The following TIPIN variants were observed in gnomAD, a reference collection of about 807,000 sequenced individuals.
TIPIN encodes TIMELESS interacting protein.
A neutral mutation model predicts 35.6 loss-of-function variants in TIPIN; 29 were observed. The observed-to-expected ratio is 0.82, with a 90% CI of 0.61 to 1.11. TIPIN has a LOEUF of 1.11. Among genes scored for constraint, TIPIN ranks in the 50% most tolerant of loss-of-function variants. TIPIN has a pLI of 0.00. For missense variants in TIPIN, 296 were observed against 345.4 expected (o/e 0.86, Z 1.13); for synonymous variants, 102 against 121.5 (o/e 0.84, Z 1.06).
chr15:66,376,095 A>G (rs1418457386), intron 1 of TIPIN, among the ~76,000 whole-genome samples: 1 of 152,112 alleles, frequency 6.6e-6, no homozygotes, highest in Non-Finnish European at 1.5e-5. Context: ...TTGTCCCAAA[A>G]CAAAACCAAA....
chr15:66,362,262 C>G (rs995031376), intron 1 of TIPIN, among the ~76,000 whole-genome samples: 1 of 151,298 alleles, frequency 6.6e-6, no homozygotes, highest in Admixed American at 6.6e-5. Context: ...GAGATTGCGT[C>G]ACTGCATTCG....
At chr15:66,353,360 G>GTAAT (rs1286805463) in intron 1 of TIPIN, among the ~76,000 whole-genome samples, 1 of 152,096 alleles carries the variant, frequency 6.6e-6, no homozygotes, top group Non-Finnish European at 1.5e-5. Context: ...GCTCACGCCT[G>GTAAT]TAATCCCAGC....
chr15:66,367,069 A>G (rs1000071958), intron 1 of TIPIN: 6 of 176,564 alleles, frequency 3.4e-5, no homozygotes, highest in African/African-American at 1.4e-4. Flanking sequence ...AATTCCAGCT[A>G]CTTAGGAGGC....
In TIPIN at chr15:66,372,905, G is replaced by T. The variant is rs142384976; in HGVS notation, c.-9+13702C>A. 5.3e-5 allele frequency among the ~76,000 whole-genome samples: 8 copies of T among 150,350 alleles called. No homozygotes were observed. The East Asian group carries it at 1.4e-3, about 26-fold the overall frequency. ...GTGACAGAGCAAGACCCCGTCTTGG[G>T]GAAAAAAAAAAAAGATTGTAATACC... On this transcript the variant is annotated intron_variant, in intron 1 of 7. Coordinates refer to the TIPIN transcript ENST00000562124.
At chr15:66,386,325 A>C (rs1566990891) in intron 1 of TIPIN, 1 of 152,118 alleles carries the variant, frequency 6.6e-6, no homozygotes. Flanking sequence ...TAAAAAAAAA[A>C]AAATCATCAA....
At chr15:66,340,745 C>T (rs2093080661) in intron 7 of TIPIN, among the ~76,000 whole-genome samples, 1 of 151,838 alleles carries the variant, frequency 6.6e-6, no homozygotes, top group African/African-American at 2.4e-5. Context: ...TACTGGTGTG[C>T]ACCACCACAC....
upstream of TIPIN, chr15:66,356,695 T>C: frequency 1.0e-6 from 1 of 985,468 alleles, no homozygotes; most frequent in Non-Finnish European, 1.2e-6. Flanking sequence ...TAAGCGCGCT[T>C]CTCGCGATAC....
chr15:66,342,205 A>T (rs937083621), intron 6 of TIPIN, among the ~76,000 whole-genome samples: 6 of 150,542 alleles, frequency 4.0e-5, no homozygotes, highest in Non-Finnish European at 8.9e-5. Context: ...AAAAAAAAAA[A>T]AAAGAAAGAA....
chr15:66,352,957 T>C lies in TIPIN; in HGVS notation c.-8-2A>G, dbSNP rs778105081. 6 of 1,609,146 alleles carry C rather than the reference T, an allele frequency of 3.7e-6. No individual in the cohort carries two copies. The South Asian group carries it at 4.4e-5, about 12-fold the overall frequency. ...CCTGTGGTTCTAGCATCTTTTCCTC[T>C]AGGGGAAAAAATTAAAGTTATTTGT... On this transcript the variant is annotated splice_acceptor_variant, in intron 1 of 7. Coordinates refer to ENST00000261881, the MANE Select transcript of TIPIN (RefSeq NM_017858.3). LOFTEE classifies it low-confidence loss of function (5UTR_SPLICE).
chr15:66,379,991 TTTC>T (rs2093312248), intron 1 of TIPIN: 1 of 470,802 alleles, frequency 2.1e-6, no homozygotes, highest in Non-Finnish European at 3.6e-6. Context: ...ATTTCTTTTC[TTTC>T]TTTCTTTCTT....
rs376674546 is a variant in TIPIN at position 66,374,034 on chromosome 15, C to T, written c.-9+12573G>A. Among the ~76,000 whole-genome samples the T allele has an allele frequency of 1.1e-4, 17 of 152,244 alleles. No individual in the cohort carries two copies. In the East Asian group the frequency reaches 1.9e-3, roughly 17 times the overall value. The stretch of plus-strand genomic sequence containing the variant: ...TTTTCAATTTAGCCAGAATAGTGGA[C>T]GTAGTATCACACTGTGTGTTCTTAA... On this transcript the variant is annotated intron_variant, in intron 1 of 7. Coordinates refer to the TIPIN transcript ENST00000562124.
At chr15:66,346,170 A>G (rs1377395160) in intron 6 of TIPIN, among the ~76,000 whole-genome samples, 1 of 150,742 alleles carries the variant, frequency 6.6e-6, no homozygotes, top group Non-Finnish European at 1.5e-5. Flanking sequence ...CTGGTCTCGA[A>G]CTCCTGGCCT....
intron 1 of TIPIN, chr15:66,382,180 C>T (rs935480723): frequency 2.7e-5 from 5 of 187,842 alleles, no homozygotes; most frequent in South Asian, 3.7e-4. Flanking sequence ...ATTTAATGCT[C>T]ATAACTATTT....
chr15:66,379,890 G>C (rs1250084693), intron 1 of TIPIN: 2 of 1,562,550 alleles, frequency 1.3e-6, no homozygotes, highest in South Asian at 1.1e-5. Flanking sequence ...AATGTCGACA[G>C]TCTGATTAAT....
intron 1 of TIPIN, among the ~76,000 whole-genome samples, chr15:66,369,353 C>CTTT (rs59189335): frequency 0.1 from 12,168 of 118,532 alleles, 1,433 homozygotes; most frequent in East Asian, 0.32. Flanking sequence ...TTCACAATAT[C>CTTT]TTTTTTTTTT....
chr15:66,364,966 C>CAAAAAAAAAAAAAAAA (rs138230933), intron 1 of TIPIN, among the ~76,000 whole-genome samples: 4 of 76,108 alleles, frequency 5.3e-5, no homozygotes, highest in Admixed American at 1.7e-4. Context: ...AACTCCATCT[C>CAAAAAAAAAAAAAAAA]AAAAAAAAAG....
At position 66,378,243 on chromosome 15, in the gene TIPIN, C is replaced by T. The variant is rs997832277; in HGVS notation, c.-9+8364G>A. Among the ~76,000 whole-genome samples, 6 of 151,782 alleles carry T rather than the reference C, an allele frequency of 4.0e-5. No homozygotes were observed. The East Asian group carries it at 7.7e-4, about 20-fold the overall frequency. On this transcript the variant is annotated intron_variant, in intron 1 of 7. Transcript: ENST00000562124. ...GTCTTGAACTCCTGACCTCGTGATCCGCCCACCTAGGCTTCCCAAAGTGCT... is the reference window on the plus strand; with the variant it reads ...GTCTTGAACTCCTGACCTCGTGATCTGCCCACCTAGGCTTCCCAAAGTGCT...
chr15:66,370,730 C>G (rs371132712), intron 1 of TIPIN, among the ~76,000 whole-genome samples: 1 of 152,000 alleles, frequency 6.6e-6, no homozygotes, highest in African/African-American at 2.4e-5. Context: ...AAATAACTTC[C>G]GTGTGCAATG....
chr15:66,382,014 G>A (rs992009818), intron 1 of TIPIN, among the ~76,000 whole-genome samples: 3 of 151,944 alleles, frequency 2.0e-5, no homozygotes, highest in Non-Finnish European at 4.4e-5. Flanking sequence ...GCAGTGAGCC[G>A]AGATTGCACC....
Sources: gnomAD v4.1 joint callset for allele counts (sites outside exome capture counted in the v4.1 genomes callset) on GRCh38, gnomAD v4.1.1 for gene constraint, MANE v1.5 for transcripts, NCBI Gene and HGNC (gene_info 2026-07-23, HGNC 2026-07-21) for gene names.